ANKRD55: variants seen among roughly 807,000 people sequenced by gnomAD.
ANKRD55 encodes ankyrin repeat domain 55.
In ANKRD55, 41 loss-of-function variants were observed where a neutral mutation model predicts 60.6. The ratio of observed to expected loss-of-function variants is 0.68; its 90% CI spans 0.53 to 0.88. The LOEUF is 0.88. Among genes scored for constraint, ANKRD55 ranks in the 40% least tolerant of loss-of-function variants. ANKRD55 has a pLI of 0.00. For missense variants in ANKRD55, 732 were observed against 767.6 expected (o/e 0.95, Z 0.55); for synonymous variants, 264 against 290.3 (o/e 0.91, Z 0.92).
Position 56,136,630 on chromosome 5 carries a change from C to T in ANKRD55, c.612+7171G>A, listed in dbSNP as rs890326183. On this transcript the variant is annotated intron_variant, in intron 7 of 11. Transcript: ENST00000341048. ...CTGATCACAGACCTAAATGTAAAAC[C>T]TAAAATTAGGCCGGGCAAGGCGGCT... 2.0e-5 allele frequency among the ~76,000 whole-genome samples: 3 copies of T among 152,006 alleles called. No individual in the cohort carries two copies. The East Asian group carries it at 5.8e-4, about 29-fold the overall frequency.
intron 2 of ANKRD55, among the ~76,000 whole-genome samples, chr5:56,190,458 T>A (rs895333510): frequency 1.3e-5 from 2 of 152,170 alleles, no homozygotes; most frequent in African/African-American, 4.8e-5. Flanking sequence ...CAGTTTTAGG[T>A]CTTATGTTTG....
chr5:56,227,039 G>C (rs200157139), intron 2 of ANKRD55, among the ~76,000 whole-genome samples: 1 of 69,662 alleles, frequency 1.4e-5, no homozygotes, highest in Admixed American at 1.4e-4. Flanking sequence ...ACATGCACAT[G>C]TATGTTTATT....
At chr5:56,106,134 C>T (rs369784480) in intron 10 of ANKRD55, among the ~76,000 whole-genome samples, 91 of 152,228 alleles carry the variant, frequency 6.0e-4, no homozygotes, top group African/African-American at 2.1e-3. Flanking sequence ...ATAGTGGCTG[C>T]CTGGAATTTT....
intron 2 of ANKRD55, among the ~76,000 whole-genome samples, chr5:56,200,467 T>C (rs768254597): frequency 5.9e-5 from 9 of 152,184 alleles, no homozygotes; most frequent in Non-Finnish European, 1.2e-4. Context: ...TTATCCAATG[T>C]CAAGGGCTTA....
intron 7 of ANKRD55, among the ~76,000 whole-genome samples, chr5:56,141,120 T>C (rs1446598046): frequency 7.0e-6 from 1 of 141,928 alleles, no homozygotes; most frequent in Non-Finnish European, 1.5e-5. Context: ...TGTACATGCA[T>C]GCACACACAG....
intron 6 of ANKRD55, among the ~76,000 whole-genome samples, chr5:56,158,674 C>T (rs1008962403): frequency 2.0e-5 from 3 of 152,084 alleles, no homozygotes; most frequent in African/African-American, 7.2e-5. Context: ...TTAATATTAT[C>T]TCTCTGTCAT....
At chr5:56,193,671 C>T (rs1759162345) in intron 2 of ANKRD55, 1 of 251,098 alleles carries the variant, frequency 4.0e-6, no homozygotes, top group African/African-American at 2.3e-5. Flanking sequence ...GGTAAAATGT[C>T]TAGCATTGCC....
chr5:56,183,375 C>A (rs763174475), intron 3 of ANKRD55, 137 bp downstream of exon 3: 7 of 1,121,264 alleles, frequency 6.2e-6, no homozygotes, highest in African/African-American at 3.2e-5. Context: ...TTATAAGAGG[C>A]GATGTGGTAC....
chr5:56,211,215 A>AG (rs1164306014), intron 2 of ANKRD55, among the ~76,000 whole-genome samples: 4 of 152,234 alleles, frequency 2.6e-5, no homozygotes, highest in African/African-American at 9.6e-5. Context: ...TTACTTCCAC[A>AG]GAAAAACAGT....
chr5:56,230,132 TG>T (rs1477497632), intron 2 of ANKRD55, among the ~76,000 whole-genome samples: 2 of 152,178 alleles, frequency 1.3e-5, no homozygotes, highest in African/African-American at 2.4e-5. Flanking sequence ...AGTCTTGCTC[TG>T]TCGCCAGGTT....
chr5:56,154,200 CAAAAAAAAAA>C (rs367809782), intron 6 of ANKRD55, among the ~76,000 whole-genome samples: 4 of 64,310 alleles, frequency 6.2e-5, no homozygotes, highest in African/African-American at 2.5e-4. Flanking sequence ...GACTCTGTCT[CAAAAAAAAAA>C]AAAAAAAAAA....
chr5:56,164,199 G>A (rs963258860), intron 5 of ANKRD55, among the ~76,000 whole-genome samples: 2 of 152,096 alleles, frequency 1.3e-5, no homozygotes, highest in Non-Finnish European at 2.9e-5. Context: ...GGTGAATGGT[G>A]GGTCTCAGAG....
chr5:56,122,189 T>G (rs544843220), intron 8 of ANKRD55, among the ~76,000 whole-genome samples: 6 of 152,362 alleles, frequency 3.9e-5, no homozygotes, highest in African/African-American at 1.2e-4. Context: ...TGCATTATTA[T>G]TTTTGGAAGC....
At chr5:56,230,292 A>T (rs541606951) in intron 2 of ANKRD55, among the ~76,000 whole-genome samples, 1 of 151,960 alleles carries the variant, frequency 6.6e-6, no homozygotes, top group Non-Finnish European at 1.5e-5. Context: ...ACAGGCTTTC[A>T]CCCTGTTGGC....
chr5:56,139,772 C>T lies in ANKRD55; in HGVS notation c.612+4029G>A, dbSNP rs375092810. Among the ~76,000 whole-genome samples the T allele has an allele frequency of 2.6e-4, 40 of 152,278 alleles. No homozygotes were observed. In the East Asian group the frequency reaches 3.3e-3, roughly 12 times the overall value. ...GTCTTTGTGATTTGTTGGAAGAGCT[C>T]TGTAAGAATAGATTGGAAGGCCAAG... is the stretch of plus-strand genomic sequence containing the variant. On this transcript the variant is annotated intron_variant, in intron 7 of 11. Transcript: ENST00000341048.
chr5:56,226,677 G>A (rs1023203106), intron 2 of ANKRD55, among the ~76,000 whole-genome samples: 1 of 152,190 alleles, frequency 6.6e-6, no homozygotes, highest in African/African-American at 2.4e-5. Context: ...AGTGGGTGAA[G>A]GGTGTGAACA....
At chr5:56,206,001 G>A (rs1759497751) in intron 2 of ANKRD55, among the ~76,000 whole-genome samples, 1 of 144,658 alleles carries the variant, frequency 6.9e-6, no homozygotes, top group Admixed American at 6.9e-5. Context: ...TGGAGACAGA[G>A]TCTGACTCCC....
At chr5:56,130,855 T>G (rs1350620977) in intron 7 of ANKRD55, among the ~76,000 whole-genome samples, 1 of 152,178 alleles carries the variant, frequency 6.6e-6, no homozygotes, top group East Asian at 1.9e-4. Flanking sequence ...ATGCCTTTGA[T>G]GAGCTTATCA....
chr5:56,113,941 C>T lies in ANKRD55; in HGVS notation c.966-2159G>A, dbSNP rs566283579. On this transcript the variant is annotated intron_variant, in intron 9 of 11. Coordinates refer to ENST00000341048, the MANE Select transcript of ANKRD55 (RefSeq NM_024669.3). ...TGGAGGTTACAGGCGTGAGTCACTG[C>T]GCTCGACCCATCTGACTAGGTATAT... Among the ~76,000 whole-genome samples the T allele has an allele frequency of 2.4e-4, 36 of 149,954 alleles. No homozygotes were observed. In the South Asian group the frequency reaches 5.5e-3, roughly 23 times the overall value.
Sources: allele counts gnomAD v4.1 joint callset (sites outside exome capture counted in the v4.1 genomes callset), GRCh38; gene constraint gnomAD v4.1.1; transcripts MANE v1.5; gene names NCBI Gene and HGNC (gene_info 2026-07-23, HGNC 2026-07-21).